PAN3: variants seen among roughly 807,000 people sequenced by gnomAD.
PAN3 encodes poly(A) specific ribonuclease subunit PAN3, also known as PAN2-PAN3 deadenylation complex subunit PAN3.
A neutral mutation model predicts 96.2 loss-of-function variants in PAN3; 19 were observed. The ratio of observed to expected loss-of-function variants is 0.20; its 90% CI spans 0.14 to 0.29. PAN3 has a LOEUF of 0.29. Ranked by LOEUF, PAN3 falls within the 10% of genes least tolerant of loss-of-function variation. The probability of loss-of-function intolerance (pLI) is 1.00; values close to 1 mark genes in which losing one functional copy is unlikely to be tolerated. For synonymous variants in PAN3, 433 were observed against 406.6 expected (o/e 1.06, Z -0.78); for missense variants, 882 against 1,108.1 (o/e 0.80, Z 2.90).
chr13:28,181,117 A>C (rs202132486), intron 4 of PAN3, among the ~76,000 whole-genome samples: 2 of 152,168 alleles, frequency 1.3e-5, no homozygotes, highest in East Asian at 3.8e-4. Context: ...GCTTTAGTAA[A>C]CTCTAATTCT....
rs894039087 is a variant in PAN3 at position 28,181,504 on chromosome 13, CA to C, written c.690+3593del. Among the ~76,000 whole-genome samples the C allele has an allele frequency of 4.0e-3, 231 of 57,272 alleles. 1 individual carries two copies. The highest frequency in any genetic ancestry group is 0.011 in the East Asian group (18 of 1,646). The allele number at this position is 57,272 out of a possible 152,430, so 37.6% of individuals were successfully genotyped here. On this transcript the variant is annotated intron_variant, in intron 4 of 18. Transcript: ENST00000380958. ...TGTGTGACAGAGCAAAACCCTGTCT[CA>C]AAAAAAAAAAAAAAAAAAAAAAAGG...
chr13:28,233,468 T>C lies in PAN3; in HGVS notation c.1000+13090T>C, dbSNP rs184390622. Reference sequence around the variant, plus strand: ...TTTTAGTAGAGATGGGGTTTCACCATGTTGGCCAGGCTGGTCTCAGACTCC... The same window carrying C: ...TTTTAGTAGAGATGGGGTTTCACCACGTTGGCCAGGCTGGTCTCAGACTCC... On this transcript the variant is annotated intron_variant, in intron 6 of 18. Transcript: ENST00000380958. Among the ~76,000 whole-genome samples, 379 of 152,214 alleles carry C rather than the reference T, an allele frequency of 2.5e-3. 2 individuals carry two copies. The highest frequency in any genetic ancestry group is 7.9e-3 in the African/African-American group (330 of 41,534).
rs189880762 is a variant in PAN3, at chr13:28,249,055, A to G, written c.1001-7237A>G. On this transcript the variant is annotated intron_variant, in intron 6 of 18. Coordinates refer to ENST00000380958, the MANE Select transcript of PAN3 (RefSeq NM_175854.8). ...CTATTCACTTTCTTGATAGTTTCCT[A>G]TGAGTTACAAAAAGTTTTAAATTTT... 4.9e-3 allele frequency among the ~76,000 whole-genome samples: 746 copies of G among 152,226 alleles called. 5 individuals carry two copies. Among genetic ancestry groups the G allele is most frequent in the African/African-American group, 0.015 (622 of 41,524 alleles).
intron 14 of PAN3, among the ~76,000 whole-genome samples, chr13:28,272,475 G>A (rs1886706493): frequency 6.6e-6 from 1 of 151,702 alleles, no homozygotes; most frequent in South Asian, 2.1e-4. Flanking sequence ...AGAGGCTCAC[G>A]ATGTTGCCCA....
chr13:28,203,076 C>T (rs1243577499), intron 5 of PAN3, among the ~76,000 whole-genome samples: 1 of 151,762 alleles, frequency 6.6e-6, no homozygotes, highest in African/African-American at 2.4e-5. Flanking sequence ...GATGCTCCCT[C>T]TTCAGCCTCC....
chr13:28,239,367 G>T (rs1161520857), intron 6 of PAN3, among the ~76,000 whole-genome samples: 1 of 152,018 alleles, frequency 6.6e-6, no homozygotes, highest in African/African-American at 2.4e-5. Flanking sequence ...TGAAAACTTT[G>T]TTAGCTATTT....
chr13:28,193,930 G>C (rs926034357), intron 4 of PAN3, among the ~76,000 whole-genome samples: 1 of 151,990 alleles, frequency 6.6e-6, no homozygotes, highest in African/African-American at 2.4e-5. Flanking sequence ...GCCGAGGCAG[G>C]TGGATCACCT....
At chr13:28,285,027 T>C (rs760902969) in intron 17 of PAN3, among the ~76,000 whole-genome samples, 3 of 152,200 alleles carry the variant, frequency 2.0e-5, no homozygotes, top group Non-Finnish European at 4.4e-5. Flanking sequence ...TCTTCAGTAG[T>C]ATTTAAGTTG....
chr13:28,157,156 G>A (rs1449019658), intron 1 of PAN3, among the ~76,000 whole-genome samples: 3 of 151,992 alleles, frequency 2.0e-5, no homozygotes, highest in East Asian at 1.9e-4. Context: ...TGTAGAAAAG[G>A]TTTTCAGTAA....
chr13:28,256,540 GTATGTC>G lies in PAN3; in HGVS notation c.1248+4_1248+9del, dbSNP rs1342856017. ...AACTCCAGCACCTTTGACTGGAATG[GTATGTC>G]TACATTAAAGAGGAAATTTTAGTAC... is the stretch of plus-strand genomic sequence containing the variant. On this transcript the variant is annotated splice_donor_variant and splice_donor_5th_base_variant and intron_variant, in intron 7 of 18. Transcript: ENST00000380958. LOFTEE classifies it high-confidence loss of function. The G allele has an allele frequency of 6.2e-7, 1 of 1,611,500 alleles. No individual in the cohort carries two copies. The highest frequency in any genetic ancestry group is 1.3e-5 in the African/African-American group (1 of 74,786).
At chr13:28,278,123 T>G (rs1409296529) in intron 15 of PAN3, among the ~76,000 whole-genome samples, 1 of 152,268 alleles carries the variant, frequency 6.6e-6, no homozygotes, top group Non-Finnish European at 1.5e-5. Context: ...CTCTTTTAGC[T>G]TACAGCTGCC....
chr13:28,276,801 A>G (rs1206394102), intron 14 of PAN3, among the ~76,000 whole-genome samples: 1 of 152,200 alleles, frequency 6.6e-6, no homozygotes, highest in Non-Finnish European at 1.5e-5. Context: ...TGAGCAAAGT[A>G]TGTATGTTAA....
chr13:28,145,324 T>C (rs1382640293), intron 1 of PAN3, among the ~76,000 whole-genome samples: 5 of 151,872 alleles, frequency 3.3e-5, no homozygotes, highest in Admixed American at 2.0e-4. Flanking sequence ...ATTTTTTGAC[T>C]TTTTTTTGAC....
rs1885703704 is a variant in PAN3, at chr13:28,261,345, A to C, written c.1354-56A>C. 11 of 1,253,292 alleles carry C rather than the reference A, an allele frequency of 8.8e-6. No homozygotes were observed. The South Asian group carries it at 1.6e-4, about 18-fold the overall frequency. The allele number at this position is 1,253,292 out of a possible 1,614,324, so 77.6% of individuals were successfully genotyped here. ...ACTTAGGTTATTTAATTATAATAGG[A>C]ATTCCAGGTTTCAGAATCTGTGTTT... On this transcript the variant is annotated intron_variant, in intron 8 of 18. Transcript: ENST00000380958.
chr13:28,179,947 AAT>A (rs1259985884), intron 4 of PAN3, among the ~76,000 whole-genome samples: 5 of 152,068 alleles, frequency 3.3e-5, no homozygotes, highest in Non-Finnish European at 7.4e-5. Flanking sequence ...AATACAATAA[AAT>A]GTTACTAGAA....
chr13:28,186,554 T>C (rs1876495048), intron 4 of PAN3, among the ~76,000 whole-genome samples: 1 of 152,236 alleles, frequency 6.6e-6, no homozygotes, highest in Non-Finnish European at 1.5e-5. Context: ...TAAAAGTTTG[T>C]TTATCTAATT....
chr13:28,189,945 T>C (rs988307796), intron 4 of PAN3, among the ~76,000 whole-genome samples: 1 of 152,194 alleles, frequency 6.6e-6, no homozygotes, highest in Non-Finnish European at 1.5e-5. Context: ...TTTGTTTGTT[T>C]TGATATTTTA....
chr13:28,288,339 G>T (rs1054128749), intron 18 of PAN3, among the ~76,000 whole-genome samples: 27 of 152,200 alleles, frequency 1.8e-4, no homozygotes, highest in African/African-American at 6.5e-4. Context: ...TTGCTCTGTT[G>T]CCCAGGCTGG....
chr13:28,156,732 G>A (rs1178238698), intron 1 of PAN3, among the ~76,000 whole-genome samples: 3 of 152,130 alleles, frequency 2.0e-5, no homozygotes, highest in Non-Finnish European at 4.4e-5. Context: ...AGTAGCTTAG[G>A]CCTGTAGTCT....
Sources: allele counts gnomAD v4.1 joint callset (sites outside exome capture counted in the v4.1 genomes callset), GRCh38; gene constraint gnomAD v4.1.1; transcripts MANE v1.5; gene names NCBI Gene and HGNC (gene_info 2026-07-23, HGNC 2026-07-21).